Variants in NFATC2 observed in about 807,000 individuals in gnomAD.
The protein encoded by NFATC2 is nuclear factor of activated T cells 2.
Under a neutral mutation model 87.3 loss-of-function variants are expected in NFATC2, and 22 were observed. The ratio of observed to expected loss-of-function variants is 0.25; its 90% CI spans 0.18 to 0.36. The LOEUF is 0.36. NFATC2 is among the 10% of genes least tolerant of loss of function. NFATC2 has a pLI of 1.00. For missense variants in NFATC2, 1,149 were observed against 1,259.1 expected, an observed-to-expected ratio of 0.91 and a Z score of 1.32; for synonymous variants, 565 against 542.2, an observed-to-expected ratio of 1.04 and a Z score of -0.58.
intron 1 of NFATC2, among the ~76,000 whole-genome samples, chr20:51,539,345 T>C (rs2146792661): frequency 6.6e-6 from 1 of 152,292 alleles, no homozygotes; most frequent in African/African-American, 2.4e-5. Context: ...TTAAGGCTAG[T>C]GTTCACCCCT....
In NFATC2 at chr20:51,523,894, G is replaced by A; in HGVS notation, c.347C>T (p.Thr116Ile). ...TGCCTGGATCAGTTCGTGGGACGGA[G>A]TGATCTCGATCCGAGGGCTCAGGCC... Reference protein sequence around the residue: ...ASGLSPRIEITPSHELIQAVG... With the variant: ...ASGLSPRIEIIPSHELIQAVG... Residue 116 changes from threonine (T) to isoleucine (I), a missense_variant, in exon 2 of 11, where the codon ACT (threonine) becomes ATT (isoleucine). Coordinates refer to ENST00000371564, the MANE Select transcript of NFATC2 (RefSeq NM_012340.5). The surrounding 1 kb of genome is among the most constrained non-coding windows in gnomAD (Gnocchi z 6.9). 6.2e-7 allele frequency: 1 copy of A among 1,606,922 alleles called. No individual in the cohort carries two copies.
Position 51,503,153 on chromosome 20 carries a change from C to T in NFATC2, c.1332+13631G>A, listed in dbSNP as rs1012396267. Among the ~76,000 whole-genome samples the T allele has an allele frequency of 5.9e-5, 9 of 152,156 alleles. No individual in the cohort carries two copies. The South Asian group carries it at 6.2e-4, about 10-fold the overall frequency. ...CCAATGGCACTGGGGCTTAGGAAGA[C>T]GAGGTGGCCACCTAGGTATGAGGGA... is the stretch of plus-strand genomic sequence containing the variant. On this transcript the variant is annotated intron_variant, in intron 3 of 10. Transcript: ENST00000371564.
chr20:51,475,774 G>A (rs1357150543), intron 3 of NFATC2, 114 bp from the exon 4 acceptor site: 3 of 1,012,820 alleles, frequency 3.0e-6, no homozygotes, highest in Non-Finnish European at 4.3e-6. Flanking sequence ...GATTTCTGCA[G>A]CATCTGGAAG....
intron 5 of NFATC2, among the ~76,000 whole-genome samples, chr20:51,460,965 G>C (rs535014198): frequency 1.3e-5 from 2 of 152,254 alleles, no homozygotes; most frequent in Non-Finnish European, 2.9e-5. Context: ...CAATCTTTCC[G>C]GGTGACTTGT....
chr20:51,469,344 C>A (rs945478962), intron 5 of NFATC2, among the ~76,000 whole-genome samples: 1 of 152,132 alleles, frequency 6.6e-6, no homozygotes, highest in African/African-American at 2.4e-5. Context: ...AATACAACTC[C>A]CGGGTAATTC....
intron 5 of NFATC2, among the ~76,000 whole-genome samples, chr20:51,456,771 A>G (rs554612671): frequency 6.6e-6 from 1 of 152,338 alleles, no homozygotes; most frequent in South Asian, 2.1e-4. Context: ...CGTGAGGCCC[A>G]CGGCCCAATT....
At chr20:51,485,757 C>A (rs1434790699) in intron 3 of NFATC2, among the ~76,000 whole-genome samples, 1 of 152,188 alleles carries the variant, frequency 6.6e-6, no homozygotes, top group African/African-American at 2.4e-5. Context: ...CCCTGCACAC[C>A]TCACTAGGCT....
intron 3 of NFATC2, among the ~76,000 whole-genome samples, chr20:51,482,512 T>C (rs1053848312): frequency 3.3e-5 from 5 of 152,228 alleles, no homozygotes; most frequent in African/African-American, 9.6e-5. Context: ...CAAACTGTTT[T>C]ATTATTCATT....
intron 5 of NFATC2, among the ~76,000 whole-genome samples, chr20:51,466,754 A>C (rs1987723898): frequency 6.6e-6 from 1 of 152,176 alleles, no homozygotes; most frequent in Non-Finnish European, 1.5e-5. Flanking sequence ...GCTTCATCAA[A>C]ATAAAATATG....
rs926032204 is a variant in NFATC2, at chr20:51,524,970, G to A, written c.131-860C>T. The stretch of plus-strand genomic sequence containing the variant: ...CGTGGTGGCTCACACCTGGAATCCC[G>A]GCACTTCGGGAGGCTGAGGCGGGCA... On this transcript the variant is annotated intron_variant, in intron 1 of 10. Coordinates refer to ENST00000371564, the MANE Select transcript of NFATC2 (RefSeq NM_012340.5). This position sits in a 1 kb window ranked among gnomAD's most constrained non-coding sequence, Gnocchi z 4.0. Among the ~76,000 whole-genome samples the A allele has an allele frequency of 1.3e-4, 20 of 152,044 alleles. No homozygotes were observed. The highest frequency in any genetic ancestry group is 2.1e-4 in the South Asian group (1 of 4,820).
chr20:51,519,404 G>A (rs1382602551), intron 2 of NFATC2, among the ~76,000 whole-genome samples: 2 of 151,174 alleles, frequency 1.3e-5, no homozygotes, highest in East Asian at 1.9e-4. Context: ...CATGAAGTCA[G>A]GAGATCAAGA....
intron 1 of NFATC2, among the ~76,000 whole-genome samples, chr20:51,561,656 ACTC>A (rs2146855454): frequency 6.8e-6 from 1 of 146,028 alleles, no homozygotes; most frequent in South Asian, 2.2e-4. Flanking sequence ...CAGGAGGCTA[ACTC>A]CTCCTCCGCG....
At chr20:51,545,747 ATGGATGGAGGAG>A (rs1317749817), upstream of NFATC2, among the ~76,000 whole-genome samples, 2 of 151,868 alleles carry the variant, frequency 1.3e-5, no homozygotes, top group African/African-American at 4.8e-5. Context: ...TGGATGGATG[ATGGATGGAGGAG>A]TGGATGGAGG....
At chr20:51,396,038 GTATATATATATA>G (rs1161908517) in intron 10 of NFATC2, among the ~76,000 whole-genome samples, 431 of 20,932 alleles carry the variant, frequency 0.021, 2 homozygotes, top group East Asian at 0.049. Context: ...CTCCTAGTAT[GTATATATATATA>G]TATATATATA....
At chr20:51,449,133 A>T (rs1985457162) in intron 6 of NFATC2, among the ~76,000 whole-genome samples, 2 of 152,166 alleles carry the variant, frequency 1.3e-5, no homozygotes, top group South Asian at 4.1e-4. Context: ...CCTTAATGTG[A>T]GAAACAGCTG....
intron 9 of NFATC2, among the ~76,000 whole-genome samples, chr20:51,423,221 T>C (rs1002659670): frequency 6.9e-6 from 1 of 144,404 alleles, no homozygotes; most frequent in Non-Finnish European, 1.5e-5. Context: ...GCCTGGGAGG[T>C]TAAGGCTGCA....
intron 9 of NFATC2, among the ~76,000 whole-genome samples, chr20:51,413,894 C>A (rs59422957): frequency 6.6e-6 from 1 of 152,246 alleles, no homozygotes; most frequent in East Asian, 1.9e-4. Flanking sequence ...TAAAATGCCT[C>A]TGCGGCTGCC....
chr20:51,439,935 G>A (rs951986603), intron 6 of NFATC2, among the ~76,000 whole-genome samples: 1 of 152,118 alleles, frequency 6.6e-6, no homozygotes, highest in African/African-American at 2.4e-5. Context: ...ACCTGAGCAG[G>A]GTATTATATA....
chr20:51,398,092 C>CAGAA (rs1273146540), intron 10 of NFATC2, among the ~76,000 whole-genome samples: 1 of 152,076 alleles, frequency 6.6e-6, no homozygotes, highest in Admixed American at 6.5e-5. Context: ...ATTTCAAATC[C>CAGAA]AGAAACCAAG....
Sources: gnomAD v4.1 joint callset for allele counts (sites outside exome capture counted in the v4.1 genomes callset) on GRCh38, gnomAD v4.1.1 for gene constraint, Gnocchi (gnomAD v3.1) non-coding constraint, MANE v1.5 for transcripts, NCBI Gene and HGNC (gene_info 2026-07-23, HGNC 2026-07-21) for gene names.